DDRGK1: variants seen among roughly 807,000 people sequenced by gnomAD.
DDRGK1 encodes the protein DDRGK domain containing 1, also known as DDRGK domain-containing protein 1.
In DDRGK1, 38 loss-of-function variants were observed where a neutral mutation model predicts 45.8. That is an observed-to-expected ratio of 0.83 (90% confidence interval 0.64 to 1.09). The LOEUF is 1.09. DDRGK1 is among the 50% of genes least tolerant of loss of function. DDRGK1 has a pLI of 0.00. For missense variants in DDRGK1, 403 were observed against 419.9 expected (o/e 0.96, Z 0.35); for synonymous variants, 171 against 168.7 (o/e 1.01, Z -0.11).
At position 3,203,565 on chromosome 20, in the gene DDRGK1, C is replaced by T. The variant is rs1017929506; in HGVS notation, c.92-149G>A. On this transcript the variant is annotated intron_variant, in intron 1 of 8. Transcript: ENST00000354488. ...CGACTTCTCAGTCTGACTGGCAAGG[C>T]CTTTTCCACCAGGCCCACAGCTTGG... is the stretch of plus-strand genomic sequence containing the variant. The T allele has an allele frequency of 5.1e-6, 6 of 1,182,444 alleles. No homozygotes were observed. The African/African-American group carries it at 6.3e-5, about 12-fold the overall frequency. The allele number at this position is 1,182,444 out of a possible 1,614,324, so 73.2% of individuals were successfully genotyped here.
intron 2 of DDRGK1, 78 bp downstream of exon 2, chr20:3,203,135 C>T: frequency 7.4e-7 from 1 of 1,343,598 alleles, no homozygotes; most frequent in Non-Finnish European, 1.0e-6. Context: ...ATACCCTACT[C>T]CCCCACTTAG....
intron 1 of DDRGK1, among the ~76,000 whole-genome samples, chr20:3,203,974 G>C (rs1202483930): frequency 6.6e-6 from 1 of 152,224 alleles, no homozygotes; most frequent in African/African-American, 2.4e-5. Context: ...GAGGATGGGT[G>C]TATCTGTTCT....
chr20:3,191,810 A>G lies in DDRGK1; in HGVS notation c.684T>C (p.Val228=). Residue 228 remains valine (V), a synonymous_variant, in exon 7 of 9, where the codon GTT becomes GTC. Coordinates refer to ENST00000354488, the MANE Select transcript of DDRGK1 (RefSeq NM_023935.3). The stretch of plus-strand genomic sequence containing the variant: ...GGGAAGCCAGGTCTTCCAAGAGCAC[A>G]ACCTTGGACTGCTACAAAAAGAAGG... ...EFINYIKQSK[V]VLLEDLASQV... 6.2e-7 allele frequency: 1 copy of G among 1,608,378 alleles called. No homozygotes were observed. The highest frequency in any genetic ancestry group is 8.5e-7 in the Non-Finnish European group (1 of 1,177,430).
At chr20:3,193,799 G>A (rs901801080) in intron 6 of DDRGK1, among the ~76,000 whole-genome samples, 3 of 152,224 alleles carry the variant, frequency 2.0e-5, no homozygotes, top group African/African-American at 7.2e-5. Flanking sequence ...AGTAAAGGGG[G>A]ATGTTGAAGC....
intron 5 of DDRGK1, 138 bp from the exon 6 acceptor site, chr20:3,195,006 T>C: frequency 7.5e-7 from 1 of 1,336,354 alleles, no homozygotes; most frequent in South Asian, 1.3e-5. Flanking sequence ...CACCTGCACA[T>C]ACCGCTTGCC....
At chr20:3,196,548 G>A (rs1219031294) in intron 4 of DDRGK1, among the ~76,000 whole-genome samples, 3 of 150,516 alleles carry the variant, frequency 2.0e-5, no homozygotes, top group Admixed American at 6.6e-5. Flanking sequence ...GGGCGTGGTG[G>A]TGGGCGCCTG....
At chr20:3,193,731 C>G (rs937946593) in intron 6 of DDRGK1, among the ~76,000 whole-genome samples, 9 of 152,096 alleles carry the variant, frequency 5.9e-5, no homozygotes, top group Non-Finnish European at 1.0e-4. Context: ...ATAGTTACCT[C>G]CAGGGAGCCA....
At chr20:3,193,529 C>G (rs987129914) in intron 6 of DDRGK1, among the ~76,000 whole-genome samples, 1 of 152,130 alleles carries the variant, frequency 6.6e-6, no homozygotes, top group African/African-American at 2.4e-5. Context: ...CACCACCATG[C>G]CTGGCTAATT....
At position 3,201,041 on chromosome 20, in the gene DDRGK1, C is replaced by T. The variant is rs539315730; in HGVS notation, c.296-587G>A. ...AGGAGAATAATGTGAACCCAGGAGCCGGAACTTGCAGTGAGCTGAGATCAC... is the reference window on the plus strand; with the variant it reads ...AGGAGAATAATGTGAACCCAGGAGCTGGAACTTGCAGTGAGCTGAGATCAC... On this transcript the variant is annotated intron_variant, in intron 2 of 8. Coordinates refer to ENST00000354488, the MANE Select transcript of DDRGK1 (RefSeq NM_023935.3). 3.9e-5 allele frequency among the ~76,000 whole-genome samples: 6 copies of T among 152,126 alleles called. No individual in the cohort carries two copies. The East Asian group carries it at 7.7e-4, about 20-fold the overall frequency.
In DDRGK1 at chr20:3,199,990, G is replaced by A; in HGVS notation, c.510+11C>T. On this transcript the variant is annotated intron_variant, in intron 4 of 8. Coordinates refer to ENST00000354488, the MANE Select transcript of DDRGK1 (RefSeq NM_023935.3). ...TCAAGGGTCAGAGGTCAGGGTAGGG[G>A]CTGGCCTCACCTTCTGCTCCTCCTC... The A allele has an allele frequency of 5.0e-6, 8 of 1,603,348 alleles. No homozygotes were observed. The highest frequency in any genetic ancestry group is 6.8e-6 in the Non-Finnish European group (8 of 1,175,468).
intron 2 of DDRGK1, 21 bp downstream of exon 2, chr20:3,203,191 CA>C: frequency 6.5e-7 from 1 of 1,530,910 alleles, no homozygotes. Flanking sequence ...ACCCTCTCCC[CA>C]CCAGGCTGGG....
intron 1 of DDRGK1, 125 bp downstream of exon 1, chr20:3,204,412 A>T: frequency 1.1e-6 from 1 of 945,930 alleles, no homozygotes; most frequent in Non-Finnish European, 1.6e-6. Context: ...CGACTAGCGC[A>T]CGGACGCGCA....
intron 4 of DDRGK1, among the ~76,000 whole-genome samples, chr20:3,199,427 G>C (rs757023244): frequency 2.0e-5 from 3 of 152,194 alleles, no homozygotes; most frequent in Non-Finnish European, 4.4e-5. Flanking sequence ...CAGGATCCTG[G>C]GACAACAGGT....
At chr20:3,191,586 C>T (rs1315278162) in intron 7 of DDRGK1, 179 bp downstream of exon 7, 1 of 826,002 alleles carries the variant, frequency 1.2e-6, no homozygotes, top group Admixed American at 2.0e-5. Context: ...TCTTTCCTGC[C>T]TGTTCGTCCA....
In DDRGK1 at chr20:3,191,812, C is replaced by A. The variant is rs746502735; in HGVS notation, c.682G>T (p.Val228Phe). The A allele has an allele frequency of 3.7e-6, 6 of 1,607,960 alleles. No homozygotes were observed. The African/African-American group carries it at 5.3e-5, about 14-fold the overall frequency. Reference protein sequence around the residue: ...EFINYIKQSKVVLLEDLASQV... With the variant: ...EFINYIKQSKFVLLEDLASQV... ...GAAGCCAGGTCTTCCAAGAGCACAA[C>A]CTTGGACTGCTACAAAAAGAAGGAG... is the stretch of plus-strand genomic sequence containing the variant. Residue 228 changes from valine to phenylalanine, a missense_variant, in exon 7 of 9, where the codon GTT (valine) becomes TTT (phenylalanine). Coordinates refer to ENST00000354488, the MANE Select transcript of DDRGK1 (RefSeq NM_023935.3).
rs1600479067 is a variant in DDRGK1, at chr20:3,203,540, C to A, written c.92-124G>T. 10 of 1,311,104 alleles carry A rather than the reference C, an allele frequency of 7.6e-6. No individual in the cohort carries two copies. The East Asian group carries it at 2.9e-4, about 38-fold the overall frequency. 81.2% of individuals were successfully genotyped at this position (1,311,104 alleles called of 1,614,324 possible). A position where few individuals can be genotyped will look rare whatever the true frequency, so the allele number is the denominator to read the frequency against. On this transcript the variant is annotated intron_variant, in intron 1 of 8. Transcript: ENST00000354488. ...GCCTGCTGCCCACAGCACAAGGCCC[C>A]GACTTCTCAGTCTGACTGGCAAGGC...
chr20:3,203,882 G>A (rs570807260), intron 1 of DDRGK1, among the ~76,000 whole-genome samples: 1 of 119,870 alleles, frequency 8.3e-6, no homozygotes, highest in Admixed American at 8.0e-5. Context: ...GCGCGCAGGT[G>A]CTCAGAGGTA....
At chr20:3,200,655 G>A (rs569431825) in intron 2 of DDRGK1, among the ~76,000 whole-genome samples, 4 of 152,310 alleles carry the variant, frequency 2.6e-5, no homozygotes, top group African/African-American at 7.2e-5. Context: ...ATGGGAGAAC[G>A]GTGAGGGGCC....
At position 3,200,049 on chromosome 20, in the gene DDRGK1, A is replaced by G; in HGVS notation, c.462T>C (p.Ala154=). The G allele has an allele frequency of 6.2e-7, 1 of 1,613,782 alleles. No homozygotes were observed. Among genetic ancestry groups the G allele is most frequent in the South Asian group, 1.1e-5 (1 of 91,034 alleles). Residue 154 remains alanine (A), a synonymous_variant, in exon 4 of 9, where the codon GCT becomes GCC. Coordinates refer to ENST00000354488, the MANE Select transcript of DDRGK1 (RefSeq NM_023935.3). ...GCCGCTCCTCCTCCTTCTTCCACTC[A>G]GCTTCGCGCTGGGACTCGAGTCGTT... is the stretch of plus-strand genomic sequence containing the variant. ...ERKRLESQRE[A]EWKKEEERLR...
Sources: allele counts gnomAD v4.1 joint callset (sites outside exome capture counted in the v4.1 genomes callset), GRCh38; gene constraint gnomAD v4.1.1; transcripts MANE v1.5; gene names NCBI Gene and HGNC (gene_info 2026-07-23, HGNC 2026-07-21).